MAMDC2: variants seen among roughly 807,000 people sequenced by gnomAD.
MAMDC2 encodes MAM domain-containing protein 2.
Under a neutral mutation model 89.8 loss-of-function variants are expected in MAMDC2, and 57 were observed. The ratio of observed to expected loss-of-function variants is 0.63; its 90% CI spans 0.51 to 0.79. The LOEUF is 0.79. Among genes scored for constraint, MAMDC2 ranks in the 30% least tolerant of loss-of-function variants. The pLI, the probability that MAMDC2 is intolerant of heterozygous loss-of-function variation, is 0.00. For missense variants in MAMDC2, 800 were observed against 820.6 expected (o/e 0.97, Z 0.31); for synonymous variants, 313 against 293.4 (o/e 1.07, Z -0.68).
At chr9:70,166,300 CACACATAT>C (rs1338491940) in intron 9 of MAMDC2, among the ~76,000 whole-genome samples, 20 of 96,794 alleles carry the variant, frequency 2.1e-4, no homozygotes, top group Admixed American at 3.6e-4. Context: ...CACACACACA[CACACATAT>C]ATATATATAC....
chr9:70,221,380 T>TATATATATATATATATATATAGAGAGAG, intron 12 of MAMDC2, among the ~76,000 whole-genome samples: 1 of 7,044 alleles, frequency 1.4e-4, no homozygotes, highest in Admixed American at 2.8e-3. Flanking sequence ...TATATATATA[T>TATATATATATATATATATATAGAGAGAG]AGAGAGAGAG....
chr9:70,089,857 G>C (rs1475579058), intron 2 of MAMDC2, among the ~76,000 whole-genome samples: 1 of 152,136 alleles, frequency 6.6e-6, no homozygotes, highest in Admixed American at 6.6e-5. Flanking sequence ...GCAAATGGTA[G>C]CTGTTATAGT....
intron 11 of MAMDC2, among the ~76,000 whole-genome samples, chr9:70,203,332 T>C (rs2033147313): frequency 1.4e-5 from 2 of 147,716 alleles, no homozygotes; most frequent in African/African-American, 5.0e-5. Flanking sequence ...TTTGGCTGGA[T>C]ATGAAATTCT....
chr9:70,158,460 T>C (rs1397345648), intron 9 of MAMDC2, among the ~76,000 whole-genome samples: 1 of 151,534 alleles, frequency 6.6e-6, no homozygotes, highest in East Asian at 1.9e-4. Flanking sequence ...TATATGCATA[T>C]TTGGGTCTAA....
At chr9:70,180,552 C>T (rs1041343259) in intron 11 of MAMDC2, among the ~76,000 whole-genome samples, 7 of 152,168 alleles carry the variant, frequency 4.6e-5, no homozygotes, top group Non-Finnish European at 1.0e-4. Context: ...TTAATGATTG[C>T]CATTCTAACT....
intron 2 of MAMDC2, among the ~76,000 whole-genome samples, chr9:70,060,404 C>T (rs981427226): frequency 5.9e-5 from 9 of 152,282 alleles, no homozygotes; most frequent in African/African-American, 2.2e-4. Context: ...AGACTTCCTG[C>T]CTAAGTGATG....
Position 70,170,608 on chromosome 9 carries a change from A to G in MAMDC2, c.1628A>G (p.Lys543Arg), listed in dbSNP as rs761521601. 1 of 1,609,868 alleles carries G rather than the reference A, an allele frequency of 6.2e-7. No homozygotes were observed. Among genetic ancestry groups the G allele is most frequent in the Non-Finnish European group, 8.5e-7 (1 of 1,178,366 alleles). Reference protein sequence around the residue: ...GETPTSYTGPKGDHTTGVGYY... With the variant: ...GETPTSYTGPRGDHTTGVGYY... The stretch of plus-strand genomic sequence containing the variant: ...ACTCCCACTTCCTACACAGGACCAA[A>G]GGGAGATCACACTACTGGGGTAGGT... The change falls in exon 11 of 14, where the codon AAG becomes AGG. Residue 543 changes from lysine to arginine, a missense_variant. Transcript: ENST00000377182.
intron 4 of MAMDC2, 115 bp from the exon 5 acceptor site, chr9:70,112,880 C>T (rs1828547196): frequency 1.6e-6 from 2 of 1,288,532 alleles, no homozygotes; most frequent in Non-Finnish European, 2.2e-6. Context: ...AGAAAGGTTG[C>T]AGTGGGCAAA....
chr9:70,107,251 G>T (rs1043393061), intron 2 of MAMDC2, among the ~76,000 whole-genome samples: 3 of 152,120 alleles, frequency 2.0e-5, no homozygotes, highest in African/African-American at 7.2e-5. Flanking sequence ...TGGCTTCAAT[G>T]CCCCACCAAC....
intron 11 of MAMDC2, among the ~76,000 whole-genome samples, chr9:70,198,934 T>C (rs529010027): frequency 2.6e-5 from 4 of 152,286 alleles, no homozygotes; most frequent in Admixed American, 6.5e-5. Flanking sequence ...AGAATTTTCA[T>C]AGTTGATATT....
chr9:70,206,953 A>G (rs2033238371), intron 11 of MAMDC2, among the ~76,000 whole-genome samples: 2 of 152,140 alleles, frequency 1.3e-5, no homozygotes, highest in African/African-American at 4.8e-5. Context: ...TACAAAGGAC[A>G]AGAACTCATC....
At chr9:70,045,749 C>T (rs1038685044) in intron 2 of MAMDC2, among the ~76,000 whole-genome samples, 5 of 152,104 alleles carry the variant, frequency 3.3e-5, no homozygotes, top group African/African-American at 9.7e-5. Context: ...ATGTTGGACC[C>T]GTTTTACAGA....
In MAMDC2 at chr9:70,080,956, A is replaced by T. The variant is rs137884987; in HGVS notation, c.149-27255A>T. On this transcript the variant is annotated intron_variant, in intron 2 of 13. Transcript: ENST00000377182. ...CTGGAACATAATACTTCCACAGTAG[A>T]CTGTCAGCTCACTGAGGTAGGCCCT... Among the ~76,000 whole-genome samples the T allele has an allele frequency of 3.2e-4, 49 of 152,272 alleles. No homozygotes were observed. In the East Asian group the frequency reaches 8.1e-3, roughly 25 times the overall value.
chr9:70,121,704 C>T (rs1416664890), intron 5 of MAMDC2, among the ~76,000 whole-genome samples: 1 of 131,640 alleles, frequency 7.6e-6, no homozygotes, highest in Non-Finnish European at 1.6e-5. Context: ...TGAATCTTAA[C>T]GATCTGACAA....
chr9:70,226,104 G>A lies in MAMDC2; in HGVS notation c.*72G>A, dbSNP rs2033636940. ...CAATCAAAATGAAAACAAAGCAAAT[G>A]AATACTGGACAGTCTTAACAATTTT... On this transcript the variant is annotated 3_prime_UTR_variant, in exon 14 of 14. Transcript: ENST00000377182. 1 of 887,828 alleles carries A rather than the reference G, an allele frequency of 1.1e-6. No individual in the cohort carries two copies. Among genetic ancestry groups the A allele is most frequent in the Non-Finnish European group, 1.8e-6 (1 of 570,704 alleles). 55.0% of individuals were successfully genotyped at this position (887,828 alleles called of 1,614,324 possible). A position where few individuals can be genotyped will look rare whatever the true frequency, so the allele number is the denominator to read the frequency against.
At chr9:70,223,937 A>C (rs576723402) in intron 12 of MAMDC2, among the ~76,000 whole-genome samples, 40 of 152,308 alleles carry the variant, frequency 2.6e-4, no homozygotes, top group African/African-American at 9.6e-4. Context: ...TGTATTAAGA[A>C]ATTTCAGAGG....
chr9:70,214,692 G>T (rs2033413472), intron 11 of MAMDC2, among the ~76,000 whole-genome samples: 1 of 152,216 alleles, frequency 6.6e-6, no homozygotes, highest in Admixed American at 6.5e-5. Context: ...AGCGAGAAAT[G>T]ATAGCAGCTT....
chr9:70,161,695 A>C (rs1484967035), intron 9 of MAMDC2, among the ~76,000 whole-genome samples: 1 of 152,246 alleles, frequency 6.6e-6, no homozygotes, highest in Admixed American at 6.5e-5. Context: ...AATTTTTTAA[A>C]AACTCTATTA....
intron 8 of MAMDC2, among the ~76,000 whole-genome samples, chr9:70,141,426 C>A (rs2031217423): frequency 6.6e-6 from 1 of 152,178 alleles, no homozygotes; most frequent in Non-Finnish European, 1.5e-5. Context: ...ATGAATCCCA[C>A]CTTCACTGGC....
Sources: gnomAD v4.1 joint callset for allele counts (sites outside exome capture counted in the v4.1 genomes callset) on GRCh38, gnomAD v4.1.1 for gene constraint, MANE v1.5 for transcripts, NCBI Gene and HGNC (gene_info 2026-07-23, HGNC 2026-07-21) for gene names.